Variants in ESPNL observed in about 807,000 individuals in gnomAD.
The protein encoded by ESPNL is espin like.
A neutral mutation model predicts 46.8 loss-of-function variants in ESPNL; 49 were observed. That is an observed-to-expected ratio of 1.05 (90% CI 0.83 to 1.33). ESPNL has a LOEUF of 1.33. Ranked by LOEUF, ESPNL falls within the 40% of genes most tolerant of loss-of-function variation. ESPNL has a pLI of 0.00. For synonymous variants in ESPNL, 664 were observed against 662.1 expected, an observed-to-expected ratio of 1.00 and a Z score of -0.04; for missense variants, 1,540 against 1,436.6, an observed-to-expected ratio of 1.07 and a Z score of -1.16.
At chr2:238,127,986 C>T (rs1176962379) in intron 7 of ESPNL, among the ~76,000 whole-genome samples, 30 of 152,212 alleles carry the variant, frequency 2.0e-4, no homozygotes, top group Admixed American at 2.0e-3. Flanking sequence ...CAGAGGGCTG[C>T]AGTGGCCCAG....
rs757850070 is a variant in ESPNL, at chr2:238,118,431, GA to G, written c.987+1399del. 2.3e-3 allele frequency among the ~76,000 whole-genome samples: 290 copies of G among 123,510 alleles called. 32 individuals are homozygous for G. The highest frequency in any genetic ancestry group is 8.4e-3 in the East Asian group (25 of 2,982). 81.0% of individuals were successfully genotyped at this position (123,510 alleles called of 152,430 possible). On this transcript the variant is annotated intron_variant, in intron 5 of 8. Transcript: ENST00000343063. ...GGACGGAGGAGGGTGGATGGAGGAGGAATGGATGGAAGAGGTGGATGGAGGA... is the reference window on the plus strand; with the variant it reads ...GGACGGAGGAGGGTGGATGGAGGAGGATGGATGGAAGAGGTGGATGGAGGA...
chr2:238,130,711 T>C lies in ESPNL; in HGVS notation c.1997T>C (p.Leu666Pro). Residue 666 changes from leucine (L) to proline (P), a missense_variant, in exon 9 of 9, where the codon CTC becomes CCC. By Grantham distance (98) the Leu-to-Pro change is moderately conservative. Coordinates refer to ENST00000343063, the MANE Select transcript of ESPNL (RefSeq NM_194312.4). The stretch of plus-strand genomic sequence containing the variant: ...AACTTCGAGTCGGCCTCTGGCCCAC[T>C]CTGTGGCTTCAACCCTGGCCCCTGC... ...RGNFESASGPLCGFNPGPCEP... is the reference protein window; with the variant it reads ...RGNFESASGPPCGFNPGPCEP... 6.4e-7 allele frequency: 1 copy of C among 1,567,340 alleles called. No homozygotes were observed. The highest frequency in any genetic ancestry group is 8.6e-7 in the Non-Finnish European group (1 of 1,158,484).
intron 7 of ESPNL, 82 bp downstream of exon 7, chr2:238,127,816 C>A (rs1373530808): frequency 9.2e-7 from 1 of 1,083,560 alleles, no homozygotes; most frequent in Non-Finnish European, 1.3e-6. Flanking sequence ...CCCAGAGAAG[C>A]CCCCAGCACA....
intron 6 of ESPNL, among the ~76,000 whole-genome samples, chr2:238,126,312 G>C (rs1243756615): frequency 1.3e-5 from 2 of 151,022 alleles, no homozygotes; most frequent in African/African-American, 2.5e-5. Context: ...TTGTGTATCT[G>C]TGTGTGATTG....
At chr2:238,104,513 A>T (rs1165001684) in intron 2 of ESPNL, 143 bp from the exon 3 acceptor site, 2 of 952,692 alleles carry the variant, frequency 2.1e-6, no homozygotes, top group African/African-American at 3.4e-5. Flanking sequence ...TGGAGGGGGG[A>T]ACCCCGCAGC....
chr2:238,129,770 G>A (rs549720359), intron 8 of ESPNL, among the ~76,000 whole-genome samples: 52 of 152,388 alleles, frequency 3.4e-4, no homozygotes, highest in African/African-American at 1.3e-3. Flanking sequence ...TAAAAGTCCT[G>A]CCCCTCCGTC....
chr2:238,131,364 G>C lies in ESPNL; in HGVS notation c.2650G>C (p.Glu884Gln). Residue 884 changes from glutamate to glutamine, a missense_variant, in exon 9 of 9, where the codon GAG becomes CAG. By Grantham distance (29) the Glu-to-Gln change is conservative. Transcript: ENST00000343063. ...GAAGCTGCGCCACCTGCTGTGCTTCGAGGTCTTCGAGCACCTGGGCACCCA... is the reference window on the plus strand; with the variant it reads ...GAAGCTGCGCCACCTGCTGTGCTTCCAGGTCTTCGAGCACCTGGGCACCCA... Reference protein sequence around the residue: ...ERKLRHLLCFEVFEHLGTHGW... With the variant: ...ERKLRHLLCFQVFEHLGTHGW... 6.2e-7 allele frequency: 1 copy of C among 1,601,030 alleles called. No individual in the cohort carries two copies. Among genetic ancestry groups the C allele is most frequent in the Non-Finnish European group, 8.5e-7 (1 of 1,174,668 alleles).
rs772654219 is a variant in ESPNL at position 238,131,582 on chromosome 2, C to T, written c.2868C>T (p.Val956=). Residue 956 remains valine, a synonymous_variant, in exon 9 of 9, where the codon GTC becomes GTT. Transcript: ENST00000343063. The part of the protein sequence containing the change: ...TLLGPLPHAA[V]PCSGPEPTAQ... ...TCGGGCCCCTGCCTCACGCCGCCGT[C>T]CCCTGCAGCGGCCCTGAGCCCACAG... 1.9e-6 allele frequency: 3 copies of T among 1,611,502 alleles called. No individual in the cohort carries two copies. Among genetic ancestry groups the T allele is most frequent in the East Asian group, 4.5e-5 (2 of 44,826 alleles).
At chr2:238,119,522 G>GT in intron 5 of ESPNL, among the ~76,000 whole-genome samples, 2 of 146,202 alleles carry the variant, frequency 1.4e-5, no homozygotes, top group Non-Finnish European at 3.0e-5. Context: ...GGTGGAGGAG[G>GT]GGAGATGGAG....
chr2:238,120,667 G>A (rs1018399845), intron 5 of ESPNL, among the ~76,000 whole-genome samples: 17 of 152,240 alleles, frequency 1.1e-4, no homozygotes, highest in African/African-American at 2.9e-4. Flanking sequence ...TTGGGAGCTC[G>A]GGGTAGGGAC....
intron 7 of ESPNL, 74 bp from the exon 8 acceptor site, chr2:238,128,633 G>C (rs973438392): frequency 6.9e-7 from 1 of 1,457,366 alleles, no homozygotes; most frequent in Non-Finnish European, 9.3e-7. Flanking sequence ...AACCCCCCAC[G>C]TCCTCTCGGA....
At chr2:238,106,429 C>T (rs1038614050) in intron 3 of ESPNL, among the ~76,000 whole-genome samples, 54 of 152,342 alleles carry the variant, frequency 3.5e-4, no homozygotes, top group Admixed American at 3.3e-3. Context: ...TCCCCAAGGC[C>T]GCCTGAATTG....
Position 238,130,284 on chromosome 2 carries a change from C to A in ESPNL, c.1570C>A (p.Gln524Lys). ...AGACCTGCAGCTTCGGCGCCGCTGT[C>A]AGGAGTATGAGAGTGAGCTGGGCCG... ...IADLQLRRRC[Q>K]EYESELGRLA... is the part of the protein sequence containing the mutation. Residue 524 changes from glutamine (Q) to lysine (K), a missense_variant, in exon 9 of 9, where the codon CAG becomes AAG. Transcript: ENST00000343063. The A allele has an allele frequency of 6.2e-7, 1 of 1,607,630 alleles. No individual in the cohort carries two copies. Among genetic ancestry groups the A allele is most frequent in the African/African-American group, 1.3e-5 (1 of 74,964 alleles).
At chr2:238,107,709 T>C in intron 3 of ESPNL, 82 bp from the exon 4 acceptor site, 2 of 1,375,242 alleles carry the variant, frequency 1.5e-6, no homozygotes, top group Non-Finnish European at 9.9e-7. Flanking sequence ...AGAGTCCACT[T>C]TCACTTCTGC....
Position 238,125,767 on chromosome 2 carries a change from TTGGAGTGGAGTGGAGTGGAGTGGAG to T in ESPNL, c.1102+403_1102+427del, listed in dbSNP as rs370332974. On this transcript the variant is annotated intron_variant, in intron 6 of 8. Transcript: ENST00000343063. ...CCACCATTAGGGGTCTGTGACCAGC[TTGGAGTGGAGTGGAGTGGAGTGGAG>T]TGGAGTGGAGTGGAGTGGAATGGAA... is the stretch of plus-strand genomic sequence containing the variant. Among the ~76,000 whole-genome samples the T allele has an allele frequency of 4.5e-4, 66 of 146,276 alleles. 1 individual carries two copies. The highest frequency in any genetic ancestry group is 2.7e-4 in the Admixed American group (4 of 14,736).
intron 7 of ESPNL, 43 bp downstream of exon 7, chr2:238,127,777 G>C (rs1228822296): frequency 6.8e-7 from 1 of 1,478,920 alleles, no homozygotes; most frequent in African/African-American, 1.4e-5. Context: ...GGGGCCCCTA[G>C]CCAGCCTCCA....
At position 238,100,693 on chromosome 2, in the gene ESPNL, G is replaced by GA; in HGVS notation, c.275dup (p.Cys95LeufsTer103). On this transcript the variant is annotated frameshift_variant, in exon 1 of 9. Coordinates refer to ENST00000343063, the MANE Select transcript of ESPNL (RefSeq NM_194312.4). LOFTEE classifies it high-confidence loss of function. ...GGCCGAGCTGTGCTGGCTGGTCCGC[G>GA]AGGGGGGCTGCGGTCTGCAGGTGAG... The GA allele has an allele frequency of 7.0e-7, 1 of 1,429,792 alleles. No individual in the cohort carries two copies. The highest frequency in any genetic ancestry group is 9.1e-7 in the Non-Finnish European group (1 of 1,101,500). 88.6% of individuals were successfully genotyped at this position (1,429,792 alleles called of 1,614,324 possible).
intron 1 of ESPNL, 57 bp from the exon 2 acceptor site, chr2:238,101,884 G>A: frequency 7.2e-7 from 1 of 1,380,496 alleles, no homozygotes; most frequent in Non-Finnish European, 1.0e-6. Context: ...ACCTCCGGCA[G>A]CTGGCTCTGA....
rs969880460 is a variant in ESPNL, at chr2:238,115,964, G to A, written c.856-939G>A. 5.3e-5 allele frequency among the ~76,000 whole-genome samples: 8 copies of A among 152,180 alleles called. No individual in the cohort carries two copies. The South Asian group carries it at 1.4e-3, about 28-fold the overall frequency. On this transcript the variant is annotated intron_variant, in intron 4 of 8. Coordinates refer to ENST00000343063, the MANE Select transcript of ESPNL (RefSeq NM_194312.4). ...TGGGATTACGGGCATGAGCCACTGC[G>A]CCCGGCCAAGGGTCTCACAACTTCT... is the stretch of plus-strand genomic sequence containing the variant.
Sources: allele counts gnomAD v4.1 joint callset (sites outside exome capture counted in the v4.1 genomes callset), GRCh38; gene constraint gnomAD v4.1.1; transcripts MANE v1.5; gene names NCBI Gene and HGNC (gene_info 2026-07-23, HGNC 2026-07-21).